Variants in LAPTM4A observed in about 807,000 individuals in gnomAD.
LAPTM4A encodes the protein lysosomal-associated transmembrane protein 4A.
Under a neutral mutation model 29.9 loss-of-function variants are expected in LAPTM4A, and 19 were observed. That is an observed-to-expected ratio of 0.64 (90% CI 0.44 to 0.93). The LOEUF (loss-of-function observed/expected upper bound fraction) is 0.93, where lower values mean the gene tolerates loss of function less well. LAPTM4A is among the 40% of genes least tolerant of loss of function. The pLI, the probability that LAPTM4A is intolerant of heterozygous loss-of-function variation, is 0.00. For synonymous variants in LAPTM4A, 105 were observed against 102.1 expected (o/e 1.03, Z -0.17); for missense variants, 293 against 288.5 (o/e 1.02, Z -0.11).
intron 1 of LAPTM4A, among the ~76,000 whole-genome samples, chr2:20,048,579 A>C (rs1057148812): frequency 1.3e-5 from 2 of 152,244 alleles, no homozygotes; most frequent in African/African-American, 4.8e-5. Context: ...TATCAGATAC[A>C]GTCACTGATA....
chr2:20,040,210 T>C (rs944734034), intron 2 of LAPTM4A, among the ~76,000 whole-genome samples: 1 of 152,144 alleles, frequency 6.6e-6, no homozygotes, highest in Non-Finnish European at 1.5e-5. Flanking sequence ...TTCTCCTTTC[T>C]ACTAGTAGCT....
chr2:20,036,535 G>C (rs967239462), intron 4 of LAPTM4A, among the ~76,000 whole-genome samples: 2 of 152,182 alleles, frequency 1.3e-5, no homozygotes, highest in Admixed American at 6.5e-5. Flanking sequence ...GCACATAAGA[G>C]CAACCAGCGA....
chr2:20,034,250 C>T (rs186464299), intron 6 of LAPTM4A, 67 bp downstream of exon 6: 1 of 1,076,866 alleles, frequency 9.3e-7, no homozygotes, highest in Non-Finnish European at 1.4e-6. Context: ...AAGTCAAGCT[C>T]CAGGTTCTTC....
chr2:20,036,544 G>A (rs34539547), intron 4 of LAPTM4A, among the ~76,000 whole-genome samples: 30,167 of 152,118 alleles, frequency 0.2, 3,140 homozygotes, highest in East Asian at 0.3. Context: ...AGCAACCAGC[G>A]AATGTTTTCT....
chr2:20,047,947 G>A (rs1000738849), intron 1 of LAPTM4A, among the ~76,000 whole-genome samples: 3 of 152,320 alleles, frequency 2.0e-5, no homozygotes, highest in Middle Eastern at 3.4e-3. Context: ...AACTTCCTTA[G>A]TTTAAGGAAG....
At chr2:20,034,769 G>C (rs1673644168) in intron 5 of LAPTM4A, among the ~76,000 whole-genome samples, 198 bp downstream of exon 5, 1 of 152,162 alleles carries the variant, frequency 6.6e-6, no homozygotes, top group African/African-American at 2.4e-5. Flanking sequence ...ACTCAGAGAA[G>C]GATCCTGACA....
intron 1 of LAPTM4A, among the ~76,000 whole-genome samples, chr2:20,047,913 G>T (rs1210561146): frequency 6.6e-6 from 1 of 152,132 alleles, no homozygotes; most frequent in Non-Finnish European, 1.5e-5. Context: ...AGAAGGAATA[G>T]CATATGCAAA....
intron 1 of LAPTM4A, among the ~76,000 whole-genome samples, chr2:20,050,225 T>TC (rs1023591020): frequency 1.3e-5 from 2 of 152,142 alleles, no homozygotes; most frequent in African/African-American, 4.8e-5. Context: ...AGTCAGGTAG[T>TC]CCCCCGGGGG....
intron 2 of LAPTM4A, among the ~76,000 whole-genome samples, chr2:20,039,389 C>T (rs552896642): frequency 5.0e-4 from 76 of 152,298 alleles, no homozygotes; most frequent in Middle Eastern, 3.4e-3. Context: ...CAGGTAAAAA[C>T]AAAATATGAA....
At chr2:20,040,401 T>C (rs1467410358) in intron 2 of LAPTM4A, among the ~76,000 whole-genome samples, 1 of 152,254 alleles carries the variant, frequency 6.6e-6, no homozygotes, top group Non-Finnish European at 1.5e-5. Flanking sequence ...CAAGAATGAC[T>C]TAAATATAAT....
At chr2:20,050,140 A>G (rs1167058086) in intron 1 of LAPTM4A, among the ~76,000 whole-genome samples, 1 of 152,208 alleles carries the variant, frequency 6.6e-6, no homozygotes, top group Non-Finnish European at 1.5e-5. Flanking sequence ...GCAAACCTAC[A>G]CATTCGTGTT....
At chr2:20,049,904 G>C (rs532077813) in intron 1 of LAPTM4A, among the ~76,000 whole-genome samples, 1 of 152,244 alleles carries the variant, frequency 6.6e-6, no homozygotes, top group East Asian at 1.9e-4. Context: ...CAGAGCTAAG[G>C]ACAAACAAAA....
At chr2:20,048,773 T>C (rs1362186443) in intron 1 of LAPTM4A, among the ~76,000 whole-genome samples, 2 of 152,240 alleles carry the variant, frequency 1.3e-5, no homozygotes, top group Non-Finnish European at 2.9e-5. Context: ...TGACATTTAA[T>C]ACTCACTCAT....
Position 20,034,340 on chromosome 2 carries a change from G to T in LAPTM4A, c.604C>A (p.Pro202Thr), listed in dbSNP as rs775924622. The part of the protein sequence containing the change: ...NRNVPEIAVY[P>T]AFEAPPQYVL... ...ACCTGAGGAGGTGCTTCAAAGGCAG[G>T]GTACACAGCAATCTCCGGCACGTTT... The change falls in exon 6 of 7, where the codon CCT becomes ACT. Residue 202 changes from proline (P) to threonine (T), a missense_variant. Coordinates refer to ENST00000175091, the MANE Select transcript of LAPTM4A (RefSeq NM_014713.5). The T allele has an allele frequency of 1.2e-6, 2 of 1,613,560 alleles. No individual in the cohort carries two copies. Among genetic ancestry groups the T allele is most frequent in the African/African-American group, 1.3e-5 (1 of 75,000 alleles).
intron 1 of LAPTM4A, 29 bp downstream of exon 1, chr2:20,051,381 G>A (rs752342052): frequency 6.8e-7 from 1 of 1,462,682 alleles, no homozygotes; most frequent in Admixed American, 1.7e-5. Flanking sequence ...AGGCCCCCCG[G>A]ACATACGCGC....
At position 20,037,518 on chromosome 2, in the gene LAPTM4A, T is replaced by G. The variant is rs1234718460; in HGVS notation, c.309+20A>C. 2 of 1,603,746 alleles carry G rather than the reference T, an allele frequency of 1.2e-6. No homozygotes were observed. The highest frequency in any genetic ancestry group is 8.5e-7 in the Non-Finnish European group (1 of 1,174,862). ...TCCCCTAAGGTCAAACTCTAAAAGA[T>G]GAAAATACAGTATACTTACAGAAAT... On this transcript the variant is annotated intron_variant, in intron 3 of 6. Transcript: ENST00000175091.
chr2:20,044,547 C>T (rs1339250828), intron 1 of LAPTM4A, among the ~76,000 whole-genome samples: 2 of 152,142 alleles, frequency 1.3e-5, no homozygotes, highest in Non-Finnish European at 2.9e-5. Flanking sequence ...GAAGGATCGC[C>T]TGAGCTCTGG....
intron 5 of LAPTM4A, 150 bp from the exon 6 acceptor site, chr2:20,034,565 C>A: frequency 1.6e-6 from 1 of 626,436 alleles, no homozygotes; most frequent in Non-Finnish European, 2.9e-6. Flanking sequence ...CAGGCCCTTT[C>A]CCTACTTGCT....
Position 20,032,958 on chromosome 2 carries a change from C to A in LAPTM4A, c.*247G>T. Reference sequence around the variant, plus strand: ...TTCCCACCCCCCAATTAAAGGCAAACAATGGCACTTTGCTCTTGCTTAACC... The same window carrying A: ...TTCCCACCCCCCAATTAAAGGCAAAAAATGGCACTTTGCTCTTGCTTAACC... On this transcript the variant is annotated 3_prime_UTR_variant, in exon 7 of 7. Transcript: ENST00000175091. 2.1e-6 allele frequency: 1 copy of A among 474,126 alleles called. No individual in the cohort carries two copies. The highest frequency in any genetic ancestry group is 3.2e-5 in the East Asian group (1 of 30,942). The allele number at this position is 474,126 out of a possible 1,614,324, so 29.4% of individuals were successfully genotyped here. A position where few individuals can be genotyped will look rare whatever the true frequency, so the allele number is the denominator to read the frequency against.
Sources: gnomAD v4.1 joint callset for allele counts (sites outside exome capture counted in the v4.1 genomes callset) on GRCh38, gnomAD v4.1.1 for gene constraint, MANE v1.5 for transcripts, NCBI Gene and HGNC (gene_info 2026-07-23, HGNC 2026-07-21) for gene names.